The following ZFP90 variants were observed in gnomAD, a reference collection of about 807,000 sequenced individuals.
The protein encoded by ZFP90 is zinc finger protein 90 homolog.
In ZFP90, 38 loss-of-function variants were observed where a neutral mutation model predicts 60.8. The ratio of observed to expected loss-of-function variants is 0.62; its 90% CI spans 0.48 to 0.82. The LOEUF (loss-of-function observed/expected upper bound fraction) is 0.82, where lower values mean the gene tolerates loss of function less well. Among genes scored for constraint, ZFP90 ranks in the 40% least tolerant of loss-of-function variants. The pLI is 0.00. For synonymous variants in ZFP90, 287 were observed against 264.8 expected, an observed-to-expected ratio of 1.08 and a Z score of -0.82; for missense variants, 711 against 759.1, an observed-to-expected ratio of 0.94 and a Z score of 0.74.
intron 2 of ZFP90, among the ~76,000 whole-genome samples, chr16:68,572,231 T>G (rs886470303): frequency 1.3e-5 from 2 of 151,994 alleles, no homozygotes; most frequent in African/African-American, 4.8e-5. Flanking sequence ...GACAAACACA[T>G]TTTAATGGAT....
At chr16:68,573,418 C>T (rs908161964) in intron 2 of ZFP90, among the ~76,000 whole-genome samples, 2 of 152,210 alleles carry the variant, frequency 1.3e-5, no homozygotes, top group Non-Finnish European at 2.9e-5. Flanking sequence ...GTCCAGGCTA[C>T]AGTGAGCCAT....
intron 2 of ZFP90, among the ~76,000 whole-genome samples, chr16:68,552,430 G>A (rs2152066007): frequency 6.6e-6 from 1 of 152,254 alleles, no homozygotes; most frequent in South Asian, 2.1e-4. Flanking sequence ...GCCCAGGGAG[G>A]AGAGCTGCTG....
At chr16:68,575,822 A>G (rs2091591651) in exon 3 of ZFP90, 1 of 398,412 alleles carries the variant, frequency 2.5e-6, no homozygotes. Flanking sequence ...TGTCGCTACC[A>G]TCTGGGAGTA....
intron 2 of ZFP90, among the ~76,000 whole-genome samples, chr16:68,543,845 C>T (rs1399007732): frequency 6.7e-6 from 1 of 149,238 alleles, no homozygotes; most frequent in Non-Finnish European, 1.5e-5. Context: ...AGGCGTGAGC[C>T]ACTGTGTCTG....
chr16:68,564,029 G>T lies in ZFP90; in HGVS notation c.1242G>T (p.Arg414Ser), dbSNP rs2091477990. The part of the protein sequence containing the change: ...GQSPSLYKHM[R>S]IHKRGKPYQS... ...GCCCATCCCTTTATAAACATATGAG[G>T]ATTCATAAGAGAGGCAAACCTTACC... is the stretch of plus-strand genomic sequence containing the variant. The change falls in exon 5 of 5, where the codon AGG (arginine) becomes AGT (serine). Residue 414 changes from arginine (R) to serine (S), a missense_variant. Transcript: ENST00000563169. 6.2e-7 allele frequency: 1 copy of T among 1,614,002 alleles called. No homozygotes were observed. The highest frequency in any genetic ancestry group is 1.1e-5 in the South Asian group (1 of 91,070).
At chr16:68,555,917 C>T (rs2091336426) in intron 2 of ZFP90, among the ~76,000 whole-genome samples, 3 of 152,200 alleles carry the variant, frequency 2.0e-5, no homozygotes, top group Admixed American at 1.3e-4. Context: ...GAAACCTTCC[C>T]TCACTGCTCC....
At chr16:68,561,932 T>C (rs577133915) in intron 4 of ZFP90, 2 of 152,320 alleles carry the variant, frequency 1.3e-5, no homozygotes, top group African/African-American at 4.8e-5. Context: ...TTACAGTCAA[T>C]ACCACATACC....
At chr16:68,548,992 T>A (rs1055827964) in intron 2 of ZFP90, among the ~76,000 whole-genome samples, 5 of 152,150 alleles carry the variant, frequency 3.3e-5, no homozygotes, top group African/African-American at 1.2e-4. Context: ...TCGAAACAAC[T>A]CCTCATTTTC....
At position 68,565,014 on chromosome 16, in the gene ZFP90, T is replaced by C. The variant is rs2091503245; in HGVS notation, c.*316T>C. 7.6e-6 allele frequency: 8 copies of C among 1,050,726 alleles called. No individual in the cohort carries two copies. The highest frequency in any genetic ancestry group is 1.1e-6 in the Non-Finnish European group (1 of 873,028). 65.1% of individuals were successfully genotyped at this position (1,050,726 alleles called of 1,614,324 possible). A position where few individuals can be genotyped will look rare whatever the true frequency, so the allele number is the denominator to read the frequency against. Reference sequence around the variant, plus strand: ...CAACATCTTGACTTGTGACCCCCAATGTCAACAGCTTTTTTAAAAAGCAAA... The same window carrying C: ...CAACATCTTGACTTGTGACCCCCAACGTCAACAGCTTTTTTAAAAAGCAAA... On this transcript the variant is annotated 3_prime_UTR_variant, in exon 5 of 5. Coordinates refer to ENST00000563169, the MANE Select transcript of ZFP90 (RefSeq NM_001305203.2).
At position 68,558,140 on chromosome 16, in the gene ZFP90, C is replaced by CT. The variant is rs1292673078; in HGVS notation, c.160+17dup. 1 of 1,611,932 alleles carries CT rather than the reference C, an allele frequency of 6.2e-7. No individual in the cohort carries two copies. The highest frequency in any genetic ancestry group is 8.5e-7 in the Non-Finnish European group (1 of 1,178,706). On this transcript the variant is annotated intron_variant, in intron 3 of 4. Coordinates refer to ENST00000563169, the MANE Select transcript of ZFP90 (RefSeq NM_001305203.2). The stretch of plus-strand genomic sequence containing the variant: ...GTTTCTCTTGGTAAGGACCACTTCT[C>CT]TGAGTGTCTTTCCTGCTGATGGGCC...
chr16:68,562,908 G>C (rs1171685620), intron 4 of ZFP90, 136 bp from the exon 5 acceptor site: 1 of 1,535,420 alleles, frequency 6.5e-7, no homozygotes, highest in African/African-American at 1.4e-5. Flanking sequence ...TCTCCATTTT[G>C]GGTCGTCTTC....
chr16:68,572,390 A>G (rs2091573220), intron 2 of ZFP90, among the ~76,000 whole-genome samples: 1 of 152,216 alleles, frequency 6.6e-6, no homozygotes, highest in Middle Eastern at 3.2e-3. Flanking sequence ...GAGTTCTCAC[A>G]GGATCTTGAC....
intron 2 of ZFP90, among the ~76,000 whole-genome samples, chr16:68,553,809 G>T (rs761837219): frequency 1.3e-5 from 2 of 152,054 alleles, no homozygotes; most frequent in Non-Finnish European, 2.9e-5. Flanking sequence ...GTTTGTGTTA[G>T]AGATGGGGTC....
At chr16:68,559,304 C>T (rs1175395200) in intron 4 of ZFP90, among the ~76,000 whole-genome samples, 1 of 152,146 alleles carries the variant, frequency 6.6e-6, no homozygotes. Flanking sequence ...TCAGAAGTCA[C>T]ATAGTTCATA....
intron 2 of ZFP90, among the ~76,000 whole-genome samples, chr16:68,548,364 T>C (rs925004598): frequency 6.6e-6 from 1 of 152,200 alleles, no homozygotes; most frequent in Admixed American, 6.6e-5. Flanking sequence ...TATAAAGGTT[T>C]CTGCTTTTTT....
chr16:68,571,520 G>A (rs551942403), downstream of ZFP90, among the ~76,000 whole-genome samples: 1 of 152,070 alleles, frequency 6.6e-6, no homozygotes, highest in African/African-American at 2.4e-5. Context: ...CACCTGCTTG[G>A]TTTCCCTCAG....
intron 4 of ZFP90, 46 bp downstream of exon 4, chr16:68,558,614 C>G (rs1156268689): frequency 6.5e-7 from 1 of 1,544,662 alleles, no homozygotes; most frequent in South Asian, 1.1e-5. Flanking sequence ...CAGTTAATGG[C>G]ACAACTTAGG....
intron 4 of ZFP90, among the ~76,000 whole-genome samples, chr16:68,559,953 T>G (rs899451932): frequency 2.0e-5 from 3 of 151,476 alleles, no homozygotes; most frequent in Non-Finnish European, 4.4e-5. Flanking sequence ...CCTGCAGCCT[T>G]GACCTCCTGG....
chr16:68,575,021 C>T (rs1567418262), intron 2 of ZFP90, among the ~76,000 whole-genome samples: 1 of 151,974 alleles, frequency 6.6e-6, no homozygotes, highest in African/African-American at 2.4e-5. Flanking sequence ...TGAACTATCA[C>T]CCCAGATGAA....
Sources: gnomAD v4.1 joint callset for allele counts (sites outside exome capture counted in the v4.1 genomes callset) on GRCh38, gnomAD v4.1.1 for gene constraint, MANE v1.5 for transcripts, NCBI Gene and HGNC (gene_info 2026-07-23, HGNC 2026-07-21) for gene names.